Variants in ESRRG observed in about 807,000 individuals in gnomAD.
ESRRG encodes estrogen related receptor gamma.
In ESRRG, 13 loss-of-function variants were observed where a neutral mutation model predicts 44.0. The observed-to-expected ratio is 0.30, with a 90% CI of 0.19 to 0.47. The LOEUF is 0.47. Ranked by LOEUF, ESRRG falls within the 20% of genes least tolerant of loss-of-function variation. The probability of loss-of-function intolerance (pLI) is 1.00; values close to 1 mark genes in which losing one functional copy is unlikely to be tolerated. For missense variants in ESRRG, 395 were observed against 580.6 expected, an observed-to-expected ratio of 0.68 and a Z score of 3.29; for synonymous variants, 215 against 214.6, an observed-to-expected ratio of 1.00 and a Z score of -0.02.
chr1:216,543,433 C>T (rs2053493917), intron 5 of ESRRG, among the ~76,000 whole-genome samples: 1 of 152,004 alleles, frequency 6.6e-6, no homozygotes, highest in South Asian at 2.1e-4. Flanking sequence ...AAAGAAATAA[C>T]TGCCTTGAAC....
intron 1 of ESRRG, among the ~76,000 whole-genome samples, chr1:216,705,561 C>G (rs1307074564): frequency 3.3e-5 from 5 of 152,164 alleles, no homozygotes; most frequent in African/African-American, 1.2e-4. Context: ...GCAAAACAGG[C>G]TGAGCATTAT....
chr1:216,609,236 G>A (rs1206333624), intron 3 of ESRRG, among the ~76,000 whole-genome samples: 3 of 152,156 alleles, frequency 2.0e-5, no homozygotes, highest in Admixed American at 1.3e-4. Flanking sequence ...TTTGATTCCT[G>A]TCAGATTCAC....
intron 2 of ESRRG, among the ~76,000 whole-genome samples, chr1:216,813,660 A>T (rs910407803): frequency 1.3e-5 from 2 of 152,196 alleles, no homozygotes; most frequent in African/African-American, 4.8e-5. Context: ...TAAAGTGGTG[A>T]AATAGTAAAA....
At chr1:216,909,394 C>T (rs747281745) in intron 2 of ESRRG, among the ~76,000 whole-genome samples, 1 of 152,232 alleles carries the variant, frequency 6.6e-6, no homozygotes, top group East Asian at 1.9e-4. Context: ...TGGATAGTAA[C>T]CAGTTCCCAT....
chr1:217,133,869 T>C (rs1158398749), intron 1 of ESRRG, among the ~76,000 whole-genome samples: 1 of 152,118 alleles, frequency 6.6e-6, no homozygotes, highest in East Asian at 1.9e-4. Context: ...GGCTGAGAGA[T>C]ACTGAGACAT....
At chr1:216,970,110 CCA>C (rs1371871005) in intron 1 of ESRRG, among the ~76,000 whole-genome samples, 2 of 152,098 alleles carry the variant, frequency 1.3e-5, no homozygotes, top group African/African-American at 4.8e-5. Context: ...TAGCTTTTCA[CCA>C]GAGTCAAGTT....
At chr1:216,615,924 G>A (rs986467722) in intron 3 of ESRRG, among the ~76,000 whole-genome samples, 1 of 152,066 alleles carries the variant, frequency 6.6e-6, no homozygotes, top group Non-Finnish European at 1.5e-5. Context: ...GACCTCAGGA[G>A]ATCTGCCCGC....
intron 5 of ESRRG, among the ~76,000 whole-genome samples, chr1:216,548,474 G>T (rs2055247558): frequency 6.6e-6 from 1 of 152,062 alleles, no homozygotes; most frequent in African/African-American, 2.4e-5. Flanking sequence ...TGAGGCAGAG[G>T]TCTTGAAAAT....
chr1:216,684,790 A>C (rs2077619096), intron 1 of ESRRG, among the ~76,000 whole-genome samples: 1 of 152,226 alleles, frequency 6.6e-6, no homozygotes. Context: ...GATTGCACTC[A>C]AAAACTGTAA....
At chr1:216,619,514 T>TTAC (rs1300063196) in intron 3 of ESRRG, among the ~76,000 whole-genome samples, 2 of 152,204 alleles carry the variant, frequency 1.3e-5, no homozygotes, top group Non-Finnish European at 2.9e-5. Flanking sequence ...ACAATTCATA[T>TTAC]GGCAGCCGTA....
Position 216,738,729 on chromosome 1 carries a change from C to A in ESRRG, c.-13-61238G>T, listed in dbSNP as rs871557. Among the ~76,000 whole-genome samples, 9 of 152,100 alleles carry A rather than the reference C, an allele frequency of 5.9e-5. No individual in the cohort carries two copies. In the South Asian group the frequency reaches 1.7e-3, roughly 28 times the overall value. ...AGATGAAGCAGCGTGCACTTATAAA[C>A]AAAAAAAATTCTAGGACTCTCAAAA... On this transcript the variant is annotated intron_variant, in intron 2 of 7. Coordinates refer to the ESRRG transcript ENST00000359162.
At chr1:217,008,491 G>C (rs2078083503) in intron 1 of ESRRG, among the ~76,000 whole-genome samples, 1 of 152,040 alleles carries the variant, frequency 6.6e-6, no homozygotes, top group Non-Finnish European at 1.5e-5. Flanking sequence ...AAGTGGCATA[G>C]GCAACATACT....
intron 1 of ESRRG, among the ~76,000 whole-genome samples, chr1:217,110,257 GA>G (rs2092646434): frequency 6.6e-6 from 1 of 152,190 alleles, no homozygotes; most frequent in South Asian, 2.1e-4. Flanking sequence ...AGAGTGATAT[GA>G]AACCATTATA....
intron 1 of ESRRG, among the ~76,000 whole-genome samples, chr1:216,977,594 G>A (rs937418103): frequency 1.3e-5 from 2 of 151,998 alleles, no homozygotes; most frequent in Admixed American, 6.6e-5. Context: ...GGCAGGTGCC[G>A]GGGCCTCCAG....
intron 2 of ESRRG, among the ~76,000 whole-genome samples, chr1:216,861,841 C>T (rs2149102000): frequency 6.6e-6 from 1 of 151,974 alleles, no homozygotes; most frequent in African/African-American, 2.4e-5. Context: ...TATCAAAACT[C>T]AATAACAAGA....
At chr1:216,690,524 G>A (rs1322170986) in intron 1 of ESRRG, among the ~76,000 whole-genome samples, 1 of 152,064 alleles carries the variant, frequency 6.6e-6, no homozygotes, top group Non-Finnish European at 1.5e-5. Context: ...AGGGAAGCTG[G>A]TGGTTTTATG....
chr1:216,527,479 CAG>C (rs2048020171), intron 5 of ESRRG, among the ~76,000 whole-genome samples: 1 of 152,214 alleles, frequency 6.6e-6, no homozygotes, highest in Non-Finnish European at 1.5e-5. Flanking sequence ...TGGTAGAACA[CAG>C]AATTTCTTTC....
At chr1:216,627,828 T>C (rs79261598) in intron 3 of ESRRG, among the ~76,000 whole-genome samples, 3 of 149,902 alleles carry the variant, frequency 2.0e-5, no homozygotes, top group African/African-American at 7.4e-5. Flanking sequence ...ATTTTTTTTT[T>C]CTTGTACTGA....
intron 1 of ESRRG, among the ~76,000 whole-genome samples, chr1:216,698,936 G>T (rs1423424922): frequency 6.6e-6 from 1 of 152,174 alleles, no homozygotes; most frequent in African/African-American, 2.4e-5. Context: ...AATTTTGGCT[G>T]ACAGATTAGC....
Sources: allele counts gnomAD v4.1 joint callset (sites outside exome capture counted in the v4.1 genomes callset), GRCh38; gene constraint gnomAD v4.1.1; transcripts MANE v1.5; gene names NCBI Gene and HGNC (gene_info 2026-07-23, HGNC 2026-07-21).